The following CSMD1 variants were observed in gnomAD, a reference collection of about 807,000 sequenced individuals.
CSMD1 encodes CUB and sushi domain-containing protein 1.
In CSMD1, 213 loss-of-function variants were observed where a neutral mutation model predicts 417.5. That is an observed-to-expected ratio of 0.51 (90% confidence interval 0.46 to 0.57). The LOEUF is 0.57. Ranked by LOEUF, CSMD1 falls within the 20% of genes least tolerant of loss-of-function variation. CSMD1 has a pLI of 0.00. For synonymous variants in CSMD1, 2,862 were observed against 1,736.8 expected, an observed-to-expected ratio of 1.65 and a Z score of -16.11; for missense variants, 6,923 against 4,529.7, an observed-to-expected ratio of 1.53 and a Z score of -15.17.
At chr8:4,772,985 G>C (rs542348350) in intron 1 of CSMD1, among the ~76,000 whole-genome samples, 33 of 152,150 alleles carry the variant, frequency 2.2e-4, no homozygotes, top group African/African-American at 7.7e-4. Context: ...ACATGGATGA[G>C]TATGACTTCT....
At chr8:4,849,888 A>ATTAGAAATGGCATTTCTCGATTATAT (rs900469113) in intron 1 of CSMD1, among the ~76,000 whole-genome samples, 1 of 152,190 alleles carries the variant, frequency 6.6e-6, no homozygotes, top group African/African-American at 2.4e-5. Context: ...TCATGGGTAT[A>ATTAGAAATGGCATTTCTCGATTATAT]TTAGAAATGG....
intron 51 of CSMD1, among the ~76,000 whole-genome samples, chr8:3,020,693 G>A (rs762188771): frequency 2.0e-5 from 3 of 152,008 alleles, no homozygotes; most frequent in Non-Finnish European, 2.9e-5. Context: ...TAGGACAACC[G>A]AGGCTCTATC....
At chr8:3,394,499 T>C (rs1811565521) in intron 17 of CSMD1, among the ~76,000 whole-genome samples, 1 of 152,114 alleles carries the variant, frequency 6.6e-6, no homozygotes, top group Non-Finnish European at 1.5e-5. Context: ...CAAAGTCATC[T>C]ACAGCTACAG....
intron 1 of CSMD1, among the ~76,000 whole-genome samples, chr8:4,898,035 A>G (rs1018645531): frequency 6.6e-6 from 1 of 152,172 alleles, no homozygotes; most frequent in Non-Finnish European, 1.5e-5. Flanking sequence ...ATAAAACAAG[A>G]AAATTAAAGA....
chr8:4,610,352 G>C (rs1286302307), intron 2 of CSMD1, among the ~76,000 whole-genome samples: 1 of 152,186 alleles, frequency 6.6e-6, no homozygotes, highest in African/African-American at 2.4e-5. Context: ...AAGCATGTGA[G>C]TCACATCAAT....
chr8:4,934,382 G>A (rs1430721854), intron 1 of CSMD1, among the ~76,000 whole-genome samples: 1 of 152,170 alleles, frequency 6.6e-6, no homozygotes, highest in Non-Finnish European at 1.5e-5. Context: ...ATTGTTTTAT[G>A]AAGCCATCAA....
At chr8:4,559,570 C>A (rs562517548) in intron 2 of CSMD1, among the ~76,000 whole-genome samples, 1 of 152,132 alleles carries the variant, frequency 6.6e-6, no homozygotes, top group Non-Finnish European at 1.5e-5. Context: ...TGTAAGTCAT[C>A]CATAGGAACT....
rs143751059 is a variant in CSMD1 at position 4,119,574 on chromosome 8, T to A, written c.416-87475A>T. On this transcript the variant is annotated intron_variant, in intron 3 of 69. Coordinates refer to ENST00000635120, the MANE Select transcript of CSMD1 (RefSeq NM_033225.6). ...GGCCTTAAGGGTGTAGACCAGAGGATAATAGTAGTGTTCTTCTATCTAGGG... is the reference window on the plus strand; with the variant it reads ...GGCCTTAAGGGTGTAGACCAGAGGAAAATAGTAGTGTTCTTCTATCTAGGG... Among the ~76,000 whole-genome samples the A allele has an allele frequency of 2.0e-3, 234 of 117,488 alleles. 1 individual carries two copies. The highest frequency in any genetic ancestry group is 7.4e-3 in the African/African-American group (225 of 30,458). The allele number at this position is 117,488 out of a possible 152,430, so 77.1% of individuals were successfully genotyped here.
chr8:4,474,611 T>C (rs1418502537), intron 2 of CSMD1, among the ~76,000 whole-genome samples: 1 of 152,156 alleles, frequency 6.6e-6, no homozygotes, highest in African/African-American at 2.4e-5. Context: ...AGCTACTACG[T>C]AACCCATTCC....
At chr8:4,084,317 T>C (rs948095303) in intron 3 of CSMD1, among the ~76,000 whole-genome samples, 27 of 116,272 alleles carry the variant, frequency 2.3e-4, no homozygotes, top group African/African-American at 7.6e-4. Flanking sequence ...ACAAAAAATA[T>C]TGGTTTGTTA....
At chr8:4,332,648 T>A (rs1270028122) in intron 3 of CSMD1, among the ~76,000 whole-genome samples, 3 of 151,178 alleles carry the variant, frequency 2.0e-5, no homozygotes, top group African/African-American at 7.3e-5. Flanking sequence ...GACATGCAGC[T>A]CTCATTACTA....
Position 4,416,690 on chromosome 8 carries a change from G to A in CSMD1, c.415+3263C>T, listed in dbSNP as rs112498200. ...TGGGGAACAATTTTTAGATGACCGT[G>A]TATCACCCAGTCCGTATATTTTCTT... is the stretch of plus-strand genomic sequence containing the variant. On this transcript the variant is annotated intron_variant, in intron 3 of 69. Transcript: ENST00000635120. Among the ~76,000 whole-genome samples, 483 of 152,142 alleles carry A rather than the reference G, an allele frequency of 3.2e-3. 3 individuals are homozygous for A. The highest frequency in any genetic ancestry group is 0.011 in the African/African-American group (465 of 41,526).
intron 1 of CSMD1, among the ~76,000 whole-genome samples, chr8:4,977,770 A>G (rs191121399): frequency 2.8e-4 from 42 of 152,336 alleles, no homozygotes; most frequent in Non-Finnish European, 4.7e-4. Context: ...CTAGAGATGA[A>G]TGCATTGAAA....
At chr8:3,374,886 T>G (rs1002137203) in intron 18 of CSMD1, among the ~76,000 whole-genome samples, 1 of 152,200 alleles carries the variant, frequency 6.6e-6, no homozygotes, top group Middle Eastern at 3.2e-3. Flanking sequence ...AAATGGAAGT[T>G]TGCAGAGTCA....
chr8:4,245,626 C>G (rs1802658676), intron 3 of CSMD1, among the ~76,000 whole-genome samples: 1 of 152,154 alleles, frequency 6.6e-6, no homozygotes, highest in African/African-American at 2.4e-5. Context: ...ATGTCATAAT[C>G]AAACCAAGGA....
At chr8:3,826,022 A>G (rs996195275) in intron 5 of CSMD1, among the ~76,000 whole-genome samples, 2 of 152,192 alleles carry the variant, frequency 1.3e-5, no homozygotes, top group Middle Eastern at 6.3e-3. Flanking sequence ...CCTTTTTCAA[A>G]GGCCAACGTG....
Position 3,237,195 on chromosome 8 carries a change from C to G in CSMD1, c.4154-6964G>C, listed in dbSNP as rs147830427. Among the ~76,000 whole-genome samples, 159 of 151,346 alleles carry G rather than the reference C, an allele frequency of 1.1e-3. No homozygotes were observed. In the East Asian group the frequency reaches 0.029, roughly 28 times the overall value. On this transcript the variant is annotated intron_variant, in intron 26 of 69. Coordinates refer to ENST00000635120, the MANE Select transcript of CSMD1 (RefSeq NM_033225.6). ...GTCTCACAACTTTGCAGGCCGGGTG[C>G]GGTAGCTCACACCTGCAATCCTAGC...
At chr8:4,057,538 T>C (rs1585222116) in intron 3 of CSMD1, among the ~76,000 whole-genome samples, 3 of 152,272 alleles carry the variant, frequency 2.0e-5, no homozygotes, top group Non-Finnish European at 1.5e-5. Context: ...TTTAGTTTAA[T>C]TAGATCCCAT....
At position 4,028,339 on chromosome 8, in the gene CSMD1, A is replaced by G. The variant is rs1476059033; in HGVS notation, c.610+3566T>C. 3.3e-5 allele frequency among the ~76,000 whole-genome samples: 5 copies of G among 152,234 alleles called. No individual in the cohort carries two copies. The East Asian group carries it at 9.7e-4, about 29-fold the overall frequency. On this transcript the variant is annotated intron_variant, in intron 4 of 69. Transcript: ENST00000635120. ...AATATGAATCTTTAATAAAATGCCTACTTATGAAGATTAAATTTGCTAAAG... is the reference window on the plus strand; with the variant it reads ...AATATGAATCTTTAATAAAATGCCTGCTTATGAAGATTAAATTTGCTAAAG...
Sources: allele counts gnomAD v4.1 joint callset (sites outside exome capture counted in the v4.1 genomes callset), GRCh38; gene constraint gnomAD v4.1.1; transcripts MANE v1.5; gene names NCBI Gene and HGNC (gene_info 2026-07-23, HGNC 2026-07-21).